Variants in NOS1AP observed in about 807,000 individuals in gnomAD.
NOS1AP encodes the protein nitric oxide synthase 1 adaptor protein, also known as carboxyl-terminal PDZ ligand of neuronal nitric oxide synthase protein.
Under a neutral mutation model 56.2 loss-of-function variants are expected in NOS1AP, and 21 were observed. That is an observed-to-expected ratio of 0.37 (90% CI 0.26 to 0.54). The LOEUF (loss-of-function observed/expected upper bound fraction) is 0.54, where lower values mean the gene tolerates loss of function less well. Among genes scored for constraint, NOS1AP ranks in the 20% least tolerant of loss-of-function variants. NOS1AP has a pLI of 0.84. For synonymous variants in NOS1AP, 270 were observed against 274.6 expected, an observed-to-expected ratio of 0.98 and a Z score of 0.17; for missense variants, 522 against 657.8, an observed-to-expected ratio of 0.79 and a Z score of 2.26.
chr1:162,365,959 T>G (rs765183004), intron 9 of NOS1AP, among the ~76,000 whole-genome samples: 1 of 152,210 alleles, frequency 6.6e-6, no homozygotes, highest in Non-Finnish European at 1.5e-5. Context: ...GTGAGCTCTG[T>G]GGGAGACAGC....
At chr1:162,352,026 T>A (rs1453015827) in intron 6 of NOS1AP, among the ~76,000 whole-genome samples, 4 of 151,896 alleles carry the variant, frequency 2.6e-5, no homozygotes, top group Non-Finnish European at 5.9e-5. Flanking sequence ...TGCTAGCTGC[T>A]TTTCAGCATG....
chr1:162,310,948 A>G (rs1027224308), intron 4 of NOS1AP, among the ~76,000 whole-genome samples: 1 of 151,882 alleles, frequency 6.6e-6, no homozygotes, highest in Admixed American at 6.6e-5. Context: ...TGAGCTGTGA[A>G]CTATGCTCTG....
intron 2 of NOS1AP, among the ~76,000 whole-genome samples, chr1:162,168,013 A>AC (rs2102123776): frequency 6.6e-6 from 1 of 151,894 alleles, no homozygotes; most frequent in African/African-American, 2.4e-5. Flanking sequence ...AAAAAAAAAA[A>AC]TACCAGTGAA....
At chr1:162,087,357 G>A (rs1396355762) in intron 1 of NOS1AP, among the ~76,000 whole-genome samples, 1 of 152,166 alleles carries the variant, frequency 6.6e-6, no homozygotes, top group Non-Finnish European at 1.5e-5. Context: ...GATGTGCCAT[G>A]TGGGAGGGAG....
chr1:162,163,394 G>A (rs1209831683), intron 2 of NOS1AP, among the ~76,000 whole-genome samples: 10 of 152,160 alleles, frequency 6.6e-5, no homozygotes, highest in Non-Finnish European at 8.8e-5. Context: ...TGCCCAGACA[G>A]CAGGACCTAA....
intron 2 of NOS1AP, among the ~76,000 whole-genome samples, chr1:162,284,411 A>C (rs1655030338): frequency 6.6e-6 from 1 of 152,080 alleles, no homozygotes. Context: ...GTCCTTATAA[A>C]TAGCACTCAG....
intron 4 of NOS1AP, among the ~76,000 whole-genome samples, chr1:162,325,592 C>T (rs1478402262): frequency 6.6e-6 from 1 of 150,918 alleles, no homozygotes; most frequent in African/African-American, 2.5e-5. Context: ...CTTCCCGAGA[C>T]CAGGAGTCAT....
chr1:162,082,889 C>CTTTTTTTTTT (rs1182191590), intron 1 of NOS1AP, among the ~76,000 whole-genome samples: 2 of 5,134 alleles, frequency 3.9e-4, no homozygotes, highest in African/African-American at 4.1e-4. Context: ...TCCTTTTTTT[C>CTTTTTTTTTT]TTTTTTTTTT....
chr1:162,239,672 G>A (rs1653420110), intron 2 of NOS1AP, among the ~76,000 whole-genome samples: 1 of 152,118 alleles, frequency 6.6e-6, no homozygotes, highest in South Asian at 2.1e-4. Flanking sequence ...AGTAACCTGG[G>A]GATGTACCTG....
At chr1:162,352,091 A>T (rs1428367800) in intron 6 of NOS1AP, among the ~76,000 whole-genome samples, 1 of 148,062 alleles carries the variant, frequency 6.8e-6, no homozygotes, top group African/African-American at 2.5e-5. Flanking sequence ...ACAGAATCTC[A>T]CTCTATTGCC....
intron 2 of NOS1AP, among the ~76,000 whole-genome samples, chr1:162,173,195 G>A (rs935779934): frequency 3.3e-5 from 5 of 152,128 alleles, no homozygotes; most frequent in Admixed American, 6.5e-5. Flanking sequence ...TTTTTGACGG[G>A]GTTTCACCAG....
rs1277686365 is a variant in NOS1AP at position 162,368,646 on chromosome 1, A to T, written c.*1179A>T. 1 of 152,190 alleles carries T rather than the reference A, an allele frequency of 6.6e-6. No homozygotes were observed. The highest frequency in any genetic ancestry group is 1.9e-4 in the East Asian group (1 of 5,184). The allele number at this position is 152,190 out of a possible 1,614,324, so 9.4% of individuals were successfully genotyped here. A position where few individuals can be genotyped will look rare whatever the true frequency, so the allele number is the denominator to read the frequency against. ...ATGTGCAATTGTCTTATCTTTTATG[A>T]TCTAGGCTTTGCCTAGGGATCACTA... is the stretch of plus-strand genomic sequence containing the variant. On this transcript the variant is annotated 3_prime_UTR_variant, in exon 10 of 10. Transcript: ENST00000361897.
intron 9 of NOS1AP, 161 bp from the exon 10 acceptor site, chr1:162,366,891 G>A (rs1325086454): frequency 5.1e-6 from 4 of 782,010 alleles, no homozygotes; most frequent in Non-Finnish European, 9.0e-6. Flanking sequence ...ATGTGGGGGC[G>A]GGAGGAAGGG....
At chr1:162,275,105 C>T (rs1654694869) in intron 2 of NOS1AP, among the ~76,000 whole-genome samples, 1 of 152,110 alleles carries the variant, frequency 6.6e-6, no homozygotes, top group Non-Finnish European at 1.5e-5. Context: ...TTTTATGGAT[C>T]ATGCTTTTGG....
At chr1:162,124,286 CT>C (rs1337373202) in intron 1 of NOS1AP, among the ~76,000 whole-genome samples, 1 of 152,248 alleles carries the variant, frequency 6.6e-6, no homozygotes, top group African/African-American at 2.4e-5. Flanking sequence ...GTCTTGCCCT[CT>C]GCCCTTCTGA....
intron 1 of NOS1AP, among the ~76,000 whole-genome samples, chr1:162,096,219 G>A (rs1439215205): frequency 6.6e-6 from 1 of 152,188 alleles, no homozygotes; most frequent in Non-Finnish European, 1.5e-5. Context: ...TTCCTCTGCA[G>A]TGTCTTCTAC....
intron 1 of NOS1AP, among the ~76,000 whole-genome samples, chr1:162,119,215 G>T (rs540717489): frequency 1.3e-5 from 2 of 152,288 alleles, no homozygotes; most frequent in Non-Finnish European, 2.9e-5. Context: ...TCTTCCAGTA[G>T]CCCATGAGGA....
chr1:162,161,246 C>G (rs1004054979), intron 2 of NOS1AP, among the ~76,000 whole-genome samples: 5 of 152,182 alleles, frequency 3.3e-5, no homozygotes, highest in Non-Finnish European at 5.9e-5. Flanking sequence ...GTAACACATT[C>G]ATAGGTTTTG....
At chr1:162,264,436 T>C (rs78400243) in intron 2 of NOS1AP, among the ~76,000 whole-genome samples, 1 of 848 alleles carries the variant, frequency 1.2e-3, no homozygotes. Flanking sequence ...TTCTCTTCTC[T>C]TCTCTTCTCT....
Sources: gnomAD v4.1 joint callset for allele counts (sites outside exome capture counted in the v4.1 genomes callset) on GRCh38, gnomAD v4.1.1 for gene constraint, MANE v1.5 for transcripts, NCBI Gene and HGNC (gene_info 2026-07-23, HGNC 2026-07-21) for gene names.